Variants in DAGLB observed in about 807,000 individuals in gnomAD.
DAGLB encodes diacylglycerol lipase-beta.
A neutral mutation model predicts 72.1 loss-of-function variants in DAGLB; 66 were observed. The observed-to-expected ratio is 0.92, with a 90% CI of 0.75 to 1.12. DAGLB has a LOEUF of 1.12. Ranked by LOEUF, DAGLB falls within the 50% of genes most tolerant of loss-of-function variation. The probability of loss-of-function intolerance (pLI) is 0.00; values close to 1 mark genes in which losing one functional copy is unlikely to be tolerated. For missense variants in DAGLB, 1,065 were observed against 884.9 expected (o/e 1.20, Z -2.58); for synonymous variants, 414 against 359.5 (o/e 1.15, Z -1.71).
Position 6,447,739 on chromosome 7 carries a change from C to G in DAGLB, c.95+9G>C, listed in dbSNP as rs1204858628. ...TGGGCTCCACCGCCCCCGTAGCCGC[C>G]GTCCTTACCACAGCACTCGCACGAC... On this transcript the variant is annotated intron_variant, in intron 1 of 14. Coordinates refer to ENST00000297056, the MANE Select transcript of DAGLB (RefSeq NM_139179.4). 1 of 1,611,076 alleles carries G rather than the reference C, an allele frequency of 6.2e-7. No individual in the cohort carries two copies. The highest frequency in any genetic ancestry group is 8.5e-7 in the Non-Finnish European group (1 of 1,178,824).
At chr7:6,441,219 T>C (rs937457032) in intron 2 of DAGLB, among the ~76,000 whole-genome samples, 2 of 150,028 alleles carry the variant, frequency 1.3e-5, no homozygotes, top group Non-Finnish European at 1.5e-5. Flanking sequence ...GCCTCCCAAG[T>C]AGCTGGGACT....
Position 6,410,188 on chromosome 7 carries a change from G to C in DAGLB, c.1762C>G (p.Pro588Ala). The change falls in exon 14 of 15, where the codon CCC becomes GCC. Residue 588 changes from proline (P) to alanine (A), a missense_variant. Physicochemically the swap from Pro to Ala is conservative, Grantham distance 27 (BLOSUM62 -1). Transcript: ENST00000297056. ...ATCCTGCCGGGAGGGTAGAGAGGGG[G>C]GTACTTGGGAGAAGAGTCCAGTGGG... is the stretch of plus-strand genomic sequence containing the variant. ...DSPLDSSPKY[P>A]PLYPPGRIIH... The C allele has an allele frequency of 1.3e-6, 2 of 1,597,650 alleles. No homozygotes were observed. The highest frequency in any genetic ancestry group is 1.7e-5 in the Admixed American group (1 of 58,096).
intron 1 of DAGLB, among the ~76,000 whole-genome samples, chr7:6,447,109 G>C (rs1391986778): frequency 6.6e-6 from 1 of 152,220 alleles, no homozygotes; most frequent in African/African-American, 2.4e-5. Context: ...AATGTGCTGA[G>C]ATAACAGGCG....
chr7:6,447,755 C>T lies in DAGLB; in HGVS notation c.88G>A (p.Val30Met). ...CGTAGCCGCCGTCCTTACCACAGCA[C>T]TCGCACGACCAGCTCGAAGAACCCT... ...FPGFFELVVRVLWWIGILTLY... is the reference protein window; with the variant it reads ...FPGFFELVVRMLWWIGILTLY... The change falls in exon 1 of 15, where the codon GTG becomes ATG. Residue 30 changes from valine (V) to methionine (M), a missense_variant. Coordinates refer to ENST00000297056, the MANE Select transcript of DAGLB (RefSeq NM_139179.4). 2.5e-6 allele frequency: 4 copies of T among 1,613,364 alleles called. No individual in the cohort carries two copies. The highest frequency in any genetic ancestry group is 3.4e-6 in the Non-Finnish European group (4 of 1,179,706).
intron 13 of DAGLB, among the ~76,000 whole-genome samples, chr7:6,412,363 C>A (rs1783756876): frequency 6.6e-6 from 1 of 152,052 alleles, no homozygotes; most frequent in Non-Finnish European, 1.5e-5. Flanking sequence ...AGCTTTCGGA[C>A]AACAAAGCCA....
intron 8 of DAGLB, 96 bp from the exon 9 acceptor site, chr7:6,421,900 T>C (rs1237833590): frequency 3.0e-6 from 4 of 1,338,094 alleles, no homozygotes; most frequent in South Asian, 2.4e-5. Flanking sequence ...CTGTGGAGGA[T>C]GGCGGGGATG....
intron 8 of DAGLB, among the ~76,000 whole-genome samples, chr7:6,423,199 C>G (rs1248223473): frequency 1.3e-5 from 2 of 152,160 alleles, no homozygotes; most frequent in African/African-American, 4.8e-5. Context: ...CTGCAGTGAG[C>G]TGACTGTACC....
At chr7:6,424,973 C>G in intron 7 of DAGLB, 138 bp from the exon 8 acceptor site, 1 of 765,528 alleles carries the variant, frequency 1.3e-6, no homozygotes, top group Non-Finnish European at 2.2e-6. Flanking sequence ...TCTCCACTCA[C>G]GCTCACTACA....
intron 2 of DAGLB, among the ~76,000 whole-genome samples, chr7:6,439,521 C>G (rs577389109): frequency 2.0e-5 from 3 of 152,296 alleles, no homozygotes; most frequent in East Asian, 3.9e-4. Flanking sequence ...CACTCAACTC[C>G]TATAGCCAAT....
chr7:6,426,414 C>T (rs981361761), intron 6 of DAGLB, among the ~76,000 whole-genome samples: 2 of 152,204 alleles, frequency 1.3e-5, no homozygotes, highest in African/African-American at 4.8e-5. Flanking sequence ...GGATTACATG[C>T]GTGCACCTCC....
chr7:6,437,022 C>T (rs894045508), intron 2 of DAGLB, among the ~76,000 whole-genome samples: 4 of 151,548 alleles, frequency 2.6e-5, no homozygotes, highest in African/African-American at 9.7e-5. Context: ...TGGTGGCGGG[C>T]GTCTGTAATC....
Position 6,412,979 on chromosome 7 carries a change from C to G in DAGLB, c.1483G>C (p.Asp495His), listed in dbSNP as rs375202452. ...AGGTGGGCTTACCTGGGAATCACAT[C>G]CTTCCCCAGGACGAGTGACACGATG... ...SFIVSLVLGK[D>H]VIPRLSVTNL... is the part of the protein sequence containing the mutation. Residue 495 changes from aspartate (D) to histidine (H), a missense_variant, in exon 12 of 15, where the codon GAT becomes CAT. Asp to His is a moderately conservative substitution (Grantham distance 81, BLOSUM62 -1). Transcript: ENST00000297056. The G allele has an allele frequency of 3.1e-6, 5 of 1,613,862 alleles. No homozygotes were observed. The highest frequency in any genetic ancestry group is 4.2e-6 in the Non-Finnish European group (5 of 1,179,940).
intron 5 of DAGLB, among the ~76,000 whole-genome samples, chr7:6,431,501 G>A (rs1466128382): frequency 6.6e-6 from 1 of 152,256 alleles, no homozygotes; most frequent in Non-Finnish European, 1.5e-5. Flanking sequence ...GCCGGATGCA[G>A]TGGCTCACGC....
chr7:6,439,476 G>C (rs1230533408), intron 2 of DAGLB, among the ~76,000 whole-genome samples: 2 of 152,080 alleles, frequency 1.3e-5, no homozygotes, highest in Non-Finnish European at 2.9e-5. Flanking sequence ...TTATGGAAGA[G>C]CAATGAAAGG....
Position 6,447,811 on chromosome 7 carries a change from C to A in DAGLB, c.32G>T (p.Trp11Leu). ...GACCAAGTCGTCGCTGGCGATGGCC[C>A]AGCGCCGGCCGAAGAGTACCATCCC... MPGMVLFGRR[W>L]AIASDDLVFP... The change falls in exon 1 of 15, where the codon TGG becomes TTG. Residue 11 changes from tryptophan (W) to leucine (L), a missense_variant. Transcript: ENST00000297056. 2 of 1,613,226 alleles carry A rather than the reference C, an allele frequency of 1.2e-6. No individual in the cohort carries two copies. Among genetic ancestry groups the A allele is most frequent in the Non-Finnish European group, 1.7e-6 (2 of 1,179,706 alleles).
At chr7:6,414,809 A>C (rs917755058) in intron 11 of DAGLB, among the ~76,000 whole-genome samples, 1 of 151,758 alleles carries the variant, frequency 6.6e-6, no homozygotes, top group African/African-American at 2.4e-5. Context: ...GATTCCAGAT[A>C]TGGACGATGG....
intron 2 of DAGLB, among the ~76,000 whole-genome samples, chr7:6,443,207 C>G (rs28404174): frequency 4.8e-5 from 2 of 41,304 alleles, no homozygotes; most frequent in Non-Finnish European, 1.2e-4. Flanking sequence ...AAACAAAAAA[C>G]AAAAAAAACA....
rs769247515 is a variant in DAGLB at position 6,436,532 on chromosome 7, T to C, written c.249A>G (p.Gly83=). 1.2e-6 allele frequency: 2 copies of C among 1,613,746 alleles called. No homozygotes were observed. Among genetic ancestry groups the C allele is most frequent in the Non-Finnish European group, 1.7e-6 (2 of 1,179,954 alleles). The change falls in exon 3 of 15, where the codon GGA becomes GGG. Residue 83 remains glycine, a splice_region_variant and synonymous_variant. Transcript: ENST00000297056. Reference sequence around the variant, plus strand: ...TCCGCGGTCCAGGGTTACAAATCGTTCCTGAAATACAAAAAACGTTCCGAC... The same window carrying C: ...TCCGCGGTCCAGGGTTACAAATCGTCCCTGAAATACAAAAAACGTTCCGAC... ...VSAIMCVSMR[G]TICNPGPRKS... is the part of the protein sequence containing the mutation.
At chr7:6,433,341 G>A (rs908308433) in intron 4 of DAGLB, among the ~76,000 whole-genome samples, 1 of 152,084 alleles carries the variant, frequency 6.6e-6, no homozygotes, top group African/African-American at 2.4e-5. Flanking sequence ...TCAAGATGCT[G>A]GGAAGGTTTT....
Sources: allele counts gnomAD v4.1 joint callset (sites outside exome capture counted in the v4.1 genomes callset), GRCh38; gene constraint gnomAD v4.1.1; transcripts MANE v1.5; gene names NCBI Gene and HGNC (gene_info 2026-07-23, HGNC 2026-07-21).